The following KCNIP4 variants were observed in gnomAD, a reference collection of about 807,000 sequenced individuals.
The protein encoded by KCNIP4 is potassium voltage-gated channel interacting protein 4.
KCNIP4 carries 12 observed loss-of-function variants against 34.0 expected under a neutral mutation model. The ratio of observed to expected loss-of-function variants is 0.35; its 90% confidence interval spans 0.23 to 0.57. The LOEUF (loss-of-function observed/expected upper bound fraction) is 0.57, where lower values mean the gene tolerates loss of function less well. Ranked by LOEUF, KCNIP4 falls within the 20% of genes least tolerant of loss-of-function variation. The probability of loss-of-function intolerance (pLI) is 0.83; values close to 1 mark genes in which losing one functional copy is unlikely to be tolerated. For synonymous variants in KCNIP4, 124 were observed against 102.2 expected (o/e 1.21, Z -1.29); for missense variants, 238 against 311.7 (o/e 0.76, Z 1.78).
intron 1 of KCNIP4, among the ~76,000 whole-genome samples, chr4:21,807,295 C>T (rs181058004): frequency 2.0e-5 from 3 of 152,256 alleles, no homozygotes; most frequent in African/African-American, 7.2e-5. Context: ...CCACAGACTG[C>T]GACTCGTCCA....
At chr4:21,262,801 C>A (rs1577983562) in intron 1 of KCNIP4, among the ~76,000 whole-genome samples, 1 of 152,132 alleles carries the variant, frequency 6.6e-6, no homozygotes, top group East Asian at 1.9e-4. Flanking sequence ...TTATTCCAAG[C>A]ATTTATCAAA....
intron 1 of KCNIP4, among the ~76,000 whole-genome samples, chr4:21,554,377 C>A (rs1320598621): frequency 6.6e-6 from 1 of 151,972 alleles, no homozygotes; most frequent in African/African-American, 2.4e-5. Context: ...TGATGGGGAG[C>A]CAAGACTGGG....
intron 1 of KCNIP4, among the ~76,000 whole-genome samples, chr4:21,403,882 T>C (rs761933940): frequency 6.6e-6 from 1 of 152,160 alleles, no homozygotes; most frequent in Non-Finnish European, 1.5e-5. Flanking sequence ...GTTCTGCTTC[T>C]TTTATACGAG....
chr4:20,838,560 AAGTG>A (rs1175213428), intron 3 of KCNIP4, among the ~76,000 whole-genome samples: 1 of 152,164 alleles, frequency 6.6e-6, no homozygotes, highest in African/African-American at 2.4e-5. Flanking sequence ...ATGTGAATAA[AAGTG>A]ATGTAGAGAC....
chr4:20,755,764 A>G (rs1754363615), intron 4 of KCNIP4, among the ~76,000 whole-genome samples: 1 of 152,154 alleles, frequency 6.6e-6, no homozygotes, highest in African/African-American at 2.4e-5. Context: ...GTGATGAGAT[A>G]TTGAGATAGA....
chr4:21,101,695 A>G (rs1319139243), intron 1 of KCNIP4, among the ~76,000 whole-genome samples: 1 of 152,146 alleles, frequency 6.6e-6, no homozygotes, highest in Non-Finnish European at 1.5e-5. Flanking sequence ...TAAATTATAC[A>G]CTTAAAACAC....
intron 1 of KCNIP4, among the ~76,000 whole-genome samples, chr4:21,828,724 G>GA (rs1722811861): frequency 6.6e-6 from 1 of 151,772 alleles, no homozygotes; most frequent in African/African-American, 2.4e-5. Context: ...GTGCTGAGAA[G>GA]AAAAAAATGT....
intron 1 of KCNIP4, among the ~76,000 whole-genome samples, chr4:21,683,550 G>C (rs1432048322): frequency 7.9e-6 from 1 of 125,982 alleles, no homozygotes; most frequent in African/African-American, 3.0e-5. Context: ...CTCACTGCAA[G>C]CTCCACCTCC....
chr4:20,963,495 A>G (rs1251014296), intron 1 of KCNIP4, among the ~76,000 whole-genome samples: 1 of 152,110 alleles, frequency 6.6e-6, no homozygotes, highest in African/African-American at 2.4e-5. Flanking sequence ...CTTCAAGTTA[A>G]ATAACAATGA....
chr4:20,849,099 T>TC (rs1015912242), intron 3 of KCNIP4, among the ~76,000 whole-genome samples: 3 of 152,194 alleles, frequency 2.0e-5, no homozygotes, highest in Non-Finnish European at 4.4e-5. Flanking sequence ...AAAACCCTTT[T>TC]CCCTTTATGC....
chr4:21,825,033 A>G (rs1263939873), intron 1 of KCNIP4, among the ~76,000 whole-genome samples: 2 of 152,158 alleles, frequency 1.3e-5, no homozygotes, highest in Non-Finnish European at 1.5e-5. Flanking sequence ...TCACAAAAAA[A>G]GCAAATAGAA....
chr4:21,152,189 G>A lies in KCNIP4; in HGVS notation c.62-269480C>T, dbSNP rs1338016401. ...AATTGCTTGAACCTGGGAGGCAGAG[G>A]TTGCAGTGAGCCCAGATAGCACCAC... On this transcript the variant is annotated intron_variant, in intron 1 of 8. Transcript: ENST00000382152. Among the ~76,000 whole-genome samples, 5 of 152,080 alleles carry A rather than the reference G, an allele frequency of 3.3e-5. No homozygotes were observed. In the East Asian group the frequency reaches 9.7e-4, roughly 30 times the overall value.
intron 1 of KCNIP4, among the ~76,000 whole-genome samples, chr4:21,542,388 TAACTC>T (rs143286170): frequency 0.052 from 7,894 of 152,128 alleles, 461 homozygotes; most frequent in Admixed American, 0.16. Context: ...CTTGAAAAAA[TAACTC>T]AAATAAAATC....
intron 1 of KCNIP4, among the ~76,000 whole-genome samples, chr4:21,594,071 A>G (rs1247980612): frequency 2.0e-5 from 3 of 149,264 alleles, no homozygotes; most frequent in Admixed American, 6.6e-5. Context: ...GCTGAAAGGG[A>G]AAAAAAACAG....
intron 4 of KCNIP4, among the ~76,000 whole-genome samples, chr4:20,755,542 G>A (rs1378359657): frequency 1.3e-5 from 2 of 152,174 alleles, no homozygotes; most frequent in African/African-American, 4.8e-5. Context: ...AAACAAAGTG[G>A]AGAAATCCTC....
intron 1 of KCNIP4, among the ~76,000 whole-genome samples, chr4:21,360,601 CT>C (rs1190816774): frequency 6.6e-6 from 1 of 152,038 alleles, no homozygotes; most frequent in Non-Finnish European, 1.5e-5. Context: ...TAATGGGTTT[CT>C]TTAAACTAAC....
chr4:21,043,323 G>GT (rs1411796852), intron 1 of KCNIP4, among the ~76,000 whole-genome samples: 1 of 151,962 alleles, frequency 6.6e-6, no homozygotes, highest in African/African-American at 2.4e-5. Context: ...ATTTGTATTT[G>GT]TTTTTTCTGT....
chr4:21,589,473 C>T (rs1206811147), intron 1 of KCNIP4, among the ~76,000 whole-genome samples: 3 of 150,696 alleles, frequency 2.0e-5, no homozygotes, highest in South Asian at 4.2e-4. Flanking sequence ...GAGGCATAGT[C>T]TAGACCACAA....
chr4:21,015,522 T>C (rs536504342), intron 1 of KCNIP4, among the ~76,000 whole-genome samples: 1 of 123,248 alleles, frequency 8.1e-6, no homozygotes, highest in East Asian at 2.3e-4. Context: ...TGCAGCTATA[T>C]ATAATATATA....
Sources: gnomAD v4.1 joint callset for allele counts (sites outside exome capture counted in the v4.1 genomes callset) on GRCh38, gnomAD v4.1.1 for gene constraint, MANE v1.5 for transcripts, NCBI Gene and HGNC (gene_info 2026-07-23, HGNC 2026-07-21) for gene names.